The following ZNF236 variants were observed in gnomAD, a reference collection of about 807,000 sequenced individuals.
ZNF236 encodes regulated by glucose.
ZNF236 carries 50 observed loss-of-function variants against 191.2 expected under a neutral mutation model. The ratio of observed to expected loss-of-function variants is 0.26; its 90% CI spans 0.21 to 0.33. The LOEUF is 0.33. ZNF236 is among the 10% of genes least tolerant of loss of function. The probability of loss-of-function intolerance (pLI) is 1.00; values close to 1 mark genes in which losing one functional copy is unlikely to be tolerated. For missense variants in ZNF236, 1,754 were observed against 2,374.5 expected (o/e 0.74, Z 5.43); for synonymous variants, 907 against 928.8 (o/e 0.98, Z 0.43).
At chr18:76,956,258 G>A in intron 28 of ZNF236, 76 bp downstream of exon 28, 1 of 1,497,314 alleles carries the variant, frequency 6.7e-7, no homozygotes, top group Middle Eastern at 2.3e-4. Flanking sequence ...TTTAACACTG[G>A]CCGGGAATCT....
chr18:76,838,079 A>G (rs777970421), intron 1 of ZNF236, among the ~76,000 whole-genome samples: 1 of 152,220 alleles, frequency 6.6e-6, no homozygotes, highest in Non-Finnish European at 1.5e-5. Flanking sequence ...TTGGGCAGCA[A>G]ACTAGGCTCA....
In ZNF236 at chr18:76,968,909, TG is replaced by T; in HGVS notation, c.*572del. On this transcript the variant is annotated 3_prime_UTR_variant, in exon 31 of 31. Coordinates refer to ENST00000320610, the MANE Select transcript of ZNF236 (RefSeq NM_001306089.2). ...TTAATATAACTGATACCTTGAGAGA[TG>T]GCTGGACCAATTCTCTCCATGACAA... 1 of 982,514 alleles carries T rather than the reference TG, an allele frequency of 1.0e-6. No homozygotes were observed. The highest frequency in any genetic ancestry group is 1.2e-6 in the Non-Finnish European group (1 of 828,094). 60.9% of individuals were successfully genotyped at this position (982,514 alleles called of 1,614,324 possible).
chr18:76,867,369 T>C (rs994801832), intron 3 of ZNF236, among the ~76,000 whole-genome samples: 4 of 152,188 alleles, frequency 2.6e-5, no homozygotes, highest in African/African-American at 9.6e-5. Context: ...AATACTACTT[T>C]AAAGTTATTT....
chr18:76,890,154 A>T (rs1304371672), intron 9 of ZNF236, among the ~76,000 whole-genome samples: 1 of 152,198 alleles, frequency 6.6e-6, no homozygotes, highest in African/African-American at 2.4e-5. Context: ...CAATACAAGG[A>T]ATTCCCATAT....
At chr18:76,848,813 G>A (rs756250196) in intron 1 of ZNF236, among the ~76,000 whole-genome samples, 5 of 152,090 alleles carry the variant, frequency 3.3e-5, no homozygotes, top group African/African-American at 9.7e-5. Context: ...CTACAAATAC[G>A]TGCCGCCATG....
intron 26 of ZNF236, among the ~76,000 whole-genome samples, chr18:76,940,845 C>T (rs779535181): frequency 1.3e-5 from 2 of 152,188 alleles, no homozygotes; most frequent in East Asian, 1.9e-4. Flanking sequence ...GCATCCAGGC[C>T]GCACAGCAGG....
Position 76,937,244 on chromosome 18 carries a change from G to C in ZNF236, c.4683G>C (p.Ser1561=), listed in dbSNP as rs749504814. ...CTCAGAACCTGGTCATGTCCTCGTC[G>C]GGCGTGGGAGGTGACGCTAGTGTCA... ...ISTQNLVMSS[S]GVGGDASVTL... The change falls in exon 26 of 31, where the codon TCG becomes TCC. Residue 1561 remains serine (S), a synonymous_variant. Coordinates refer to ENST00000320610, the MANE Select transcript of ZNF236 (RefSeq NM_001306089.2). The C allele has an allele frequency of 1.9e-6, 3 of 1,614,156 alleles. No homozygotes were observed. Among genetic ancestry groups the C allele is most frequent in the Non-Finnish European group, 2.5e-6 (3 of 1,180,040 alleles).
intron 9 of ZNF236, among the ~76,000 whole-genome samples, chr18:76,889,083 G>A (rs919961830): frequency 5.9e-5 from 9 of 152,160 alleles, no homozygotes; most frequent in African/African-American, 2.2e-4. Flanking sequence ...CAGGCATCCT[G>A]TACCCCAGCC....
intron 1 of ZNF236, among the ~76,000 whole-genome samples, chr18:76,823,785 C>T (rs565651975): frequency 4.1e-4 from 62 of 152,250 alleles, no homozygotes; most frequent in African/African-American, 1.4e-3. Flanking sequence ...GGGATCGGGG[C>T]GCACTCGCCG....
Position 76,878,064 on chromosome 18 carries a change from T to C in ZNF236, c.896T>C (p.Leu299Ser), listed in dbSNP as rs1312999268. The change falls in exon 7 of 31, where the codon TTA becomes TCA. Residue 299 changes from leucine to serine, a missense_variant. Physicochemically the swap from Leu to Ser is moderately radical, Grantham distance 145. This residue lies in a region of ZNF236 where 336 missense variants were observed against 495.1 expected (regional missense o/e 0.68). Transcript: ENST00000320610. ...CTECSCVFKS[L>S]GSLNTHISKM... The stretch of plus-strand genomic sequence containing the variant: ...GAATGTAGTTGTGTATTTAAAAGTT[T>C]AGGCAGCTTAAACACGCATATCAGC... 3 of 1,613,384 alleles carry C rather than the reference T, an allele frequency of 1.9e-6. No homozygotes were observed. Among genetic ancestry groups the C allele is most frequent in the South Asian group, 2.2e-5 (2 of 91,030 alleles).
At chr18:76,948,522 G>A (rs1355458952) in intron 27 of ZNF236, among the ~76,000 whole-genome samples, 1 of 152,190 alleles carries the variant, frequency 6.6e-6, no homozygotes, top group Non-Finnish European at 1.5e-5. Context: ...TCTACTGGTG[G>A]TTGTGGTTTA....
At chr18:76,826,114 C>T (rs1381074829) in intron 1 of ZNF236, among the ~76,000 whole-genome samples, 2 of 145,550 alleles carry the variant, frequency 1.4e-5, no homozygotes, top group Non-Finnish European at 3.1e-5. Flanking sequence ...AGAGCGGATA[C>T]CTGATTTTTT....
In ZNF236 at chr18:76,925,110, A is replaced by T; in HGVS notation, c.3662-79A>T. The T allele has an allele frequency of 6.5e-7, 1 of 1,547,362 alleles. No homozygotes were observed. Among genetic ancestry groups the T allele is most frequent in the Non-Finnish European group, 8.7e-7 (1 of 1,148,636 alleles). ...CCACTGATTCAACATATTTACATCCATAGTGACAGCTGAGTGGGGTGGGGG... is the reference window on the plus strand; with the variant it reads ...CCACTGATTCAACATATTTACATCCTTAGTGACAGCTGAGTGGGGTGGGGG... On this transcript the variant is annotated intron_variant, in intron 21 of 30. Coordinates refer to ENST00000320610, the MANE Select transcript of ZNF236 (RefSeq NM_001306089.2). The surrounding 1 kb of genome is among the most constrained non-coding windows in gnomAD (Gnocchi z 5.7).
intron 2 of ZNF236, among the ~76,000 whole-genome samples, chr18:76,851,143 C>A (rs1975853559): frequency 7.5e-6 from 1 of 132,896 alleles, no homozygotes; most frequent in Admixed American, 7.9e-5. Context: ...GAATATGTTT[C>A]TTTCTCTATG....
At chr18:76,959,005 C>T (rs1353098950) in intron 28 of ZNF236, among the ~76,000 whole-genome samples, 1 of 152,200 alleles carries the variant, frequency 6.6e-6, no homozygotes, top group Non-Finnish European at 1.5e-5. Context: ...GGAAAATAAC[C>T]ACATTGCACA....
chr18:76,851,777 A>G lies in ZNF236; in HGVS notation c.201A>G (p.Pro67=). The G allele has an allele frequency of 6.2e-7, 1 of 1,609,654 alleles. No individual in the cohort carries two copies. The highest frequency in any genetic ancestry group is 1.1e-5 in the South Asian group (1 of 89,630). Reference sequence around the variant, plus strand: ...TCTTCACTTTTCTCTCCAAATAGCCACATCGATGTGACCAGTGCCCCCAAA... The same window carrying G: ...TCTTCACTTTTCTCTCCAAATAGCCGCATCGATGTGACCAGTGCCCCCAAA... ...HMRDHERNDK[P]HRCDQCPQTF... Residue 67 remains proline, a splice_region_variant and synonymous_variant, in exon 3 of 31, where the codon CCA becomes CCG. Transcript: ENST00000320610.
At position 76,895,301 on chromosome 18, in the gene ZNF236, T is replaced by A; in HGVS notation, c.1690+16T>A. ...CTGCACACAGGTATGGCCTCAGGGC[T>A]GGGCCCACACGGGCACTGGCCACGG... On this transcript the variant is annotated intron_variant, in intron 10 of 30. Transcript: ENST00000320610. 1 of 1,595,634 alleles carries A rather than the reference T, an allele frequency of 6.3e-7. No individual in the cohort carries two copies. The highest frequency in any genetic ancestry group is 8.5e-7 in the Non-Finnish European group (1 of 1,176,866).
chr18:76,897,678 G>A lies in ZNF236; in HGVS notation c.1691-1341G>A, dbSNP rs117779070. 2.6e-4 allele frequency among the ~76,000 whole-genome samples: 40 copies of A among 152,116 alleles called. No individual in the cohort carries two copies. In the East Asian group the frequency reaches 7.7e-3, roughly 29 times the overall value. On this transcript the variant is annotated intron_variant, in intron 10 of 30. Transcript: ENST00000320610. ...TGCCCATAGTACCAAACACAGTACT[G>A]CACACAAGTACTACATATAGTAACA...
At chr18:76,846,245 C>G (rs180867618) in intron 1 of ZNF236, among the ~76,000 whole-genome samples, 4 of 152,338 alleles carry the variant, frequency 2.6e-5, no homozygotes, top group African/African-American at 9.6e-5. Context: ...AGCCACCATG[C>G]CCAGCCAGGA....
Sources: gnomAD v4.1 joint callset for allele counts (sites outside exome capture counted in the v4.1 genomes callset) on GRCh38, gnomAD v4.1.1 for gene constraint, gnomAD v4.1.1 regional missense constraint, Gnocchi (gnomAD v3.1) non-coding constraint, MANE v1.5 for transcripts, NCBI Gene and HGNC (gene_info 2026-07-23, HGNC 2026-07-21) for gene names.